The following ACER1 variants were observed in gnomAD, a reference collection of about 807,000 sequenced individuals.
ACER1 encodes the protein CTB-180A7.3.
In ACER1, 28 loss-of-function variants were observed where a neutral mutation model predicts 24.9. That is an observed-to-expected ratio of 1.13 (90% CI 0.83 to 1.54). The LOEUF (loss-of-function observed/expected upper bound fraction) is 1.54. Ranked by LOEUF, ACER1 falls within the 40% of genes most tolerant of loss-of-function variation. The pLI is 0.00. For missense variants in ACER1, 352 were observed against 349.3 expected, an observed-to-expected ratio of 1.01 and a Z score of -0.06; for synonymous variants, 132 against 131.4, an observed-to-expected ratio of 1.00 and a Z score of -0.03.
intron 1 of ACER1, 125 bp from the exon 2 acceptor site, chr19:6,312,624 C>T: frequency 1.4e-6 from 1 of 698,516 alleles, no homozygotes; most frequent in Non-Finnish European, 2.5e-6. Context: ...ATGCATCAAC[C>T]CAGGATTTGT....
the ACER1 span, among the ~76,000 whole-genome samples, chr19:6,350,784 C>T: frequency 0.06 from 9,100 of 152,124 alleles, 397 homozygotes; most frequent in African/African-American, 0.12. Context: ...TTTATAGGAA[C>T]AAAAACAACA....
chr19:6,315,963 A>G (rs2091601557), intron 1 of ACER1, among the ~76,000 whole-genome samples: 1 of 152,206 alleles, frequency 6.6e-6, no homozygotes, highest in Admixed American at 6.5e-5. Context: ...CCCCATCTCT[A>G]CAAAAAATAC....
intron 1 of ACER1, among the ~76,000 whole-genome samples, chr19:6,324,315 A>G (rs2091647828): frequency 6.9e-6 from 1 of 144,828 alleles, no homozygotes; most frequent in South Asian, 2.5e-4. Flanking sequence ...CAGTGCTGGG[A>G]TTACAGGCAT....
intron 1 of ACER1, among the ~76,000 whole-genome samples, chr19:6,332,785 C>G (rs1215277467): frequency 6.6e-6 from 1 of 152,074 alleles, no homozygotes; most frequent in Non-Finnish European, 1.5e-5. Flanking sequence ...ATTCTCATGC[C>G]GTAGCCTCCT....
intron 1 of ACER1, among the ~76,000 whole-genome samples, chr19:6,328,119 TTATC>T (rs1233874189): frequency 2.6e-5 from 4 of 151,310 alleles, no homozygotes; most frequent in African/African-American, 4.9e-5. Flanking sequence ...ACCCATTTAT[TTATC>T]TATTATCTAT....
chr19:6,309,677 C>A lies in ACER1; in HGVS notation c.488+20G>T. On this transcript the variant is annotated intron_variant, in intron 4 of 5. Transcript: ENST00000301452. ...GGGGGATGGGAGCCTCCTGCCCAGG[C>A]ACCTGCAGCCTTCACTCACTTCCTG... is the stretch of plus-strand genomic sequence containing the variant. 1 of 1,613,450 alleles carries A rather than the reference C, an allele frequency of 6.2e-7. No individual in the cohort carries two copies.
upstream of ACER1, among the ~76,000 whole-genome samples, chr19:6,334,838 T>C (rs754991750): frequency 7.9e-5 from 12 of 151,180 alleles, no homozygotes; most frequent in South Asian, 8.3e-4. Context: ...TGGTAATGGG[T>C]TTTCTTTTTT....
chr19:6,340,781 C>T, the ACER1 span, among the ~76,000 whole-genome samples: 7 of 152,066 alleles, frequency 4.6e-5, no homozygotes, highest in South Asian at 2.1e-4. Flanking sequence ...GGGTGGGAGC[C>T]GGGGGAGAGC....
chr19:6,331,181 C>T (rs531836364), intron 1 of ACER1, among the ~76,000 whole-genome samples: 3 of 142,014 alleles, frequency 2.1e-5, no homozygotes, highest in Non-Finnish European at 3.0e-5. Flanking sequence ...GATGAGGTCT[C>T]GCTCTGTCAC....
chr19:6,329,356 T>TATAAAATAGA (rs2091676570), intron 1 of ACER1, among the ~76,000 whole-genome samples: 1 of 133,938 alleles, frequency 7.5e-6, no homozygotes, highest in East Asian at 2.3e-4. Context: ...GGCTTTTTGA[T>TATAAAATAGA]ATAGAATAGA....
chr19:6,310,420 A>G (rs2091573364), intron 3 of ACER1, among the ~76,000 whole-genome samples: 1 of 151,800 alleles, frequency 6.6e-6, no homozygotes, highest in South Asian at 2.1e-4. Context: ...AAAATACAAA[A>G]TTTAGCCAGG....
chr19:6,356,031 GGGGGAAAGGC>G, the ACER1 span, among the ~76,000 whole-genome samples: 3 of 151,516 alleles, frequency 2.0e-5, no homozygotes, highest in Non-Finnish European at 4.4e-5. Context: ...GAATAGAAAG[GGGGGAAAGGC>G]GGGGAAAGGA....
chr19:6,323,850 T>C (rs1210328532), intron 1 of ACER1, among the ~76,000 whole-genome samples: 4 of 151,764 alleles, frequency 2.6e-5, no homozygotes, highest in African/African-American at 9.7e-5. Flanking sequence ...AGACCTGCCA[T>C]TGTGTGTAGC....
chr19:6,319,627 G>A (rs1358003607), intron 1 of ACER1, among the ~76,000 whole-genome samples: 1 of 152,002 alleles, frequency 6.6e-6, no homozygotes, highest in Non-Finnish European at 1.5e-5. Context: ...TATACAGTCA[G>A]GACAGCAGGG....
In ACER1 at chr19:6,320,941, A is replaced by C. The variant is rs1407392244; in HGVS notation, c.94-8442T>G. Among the ~76,000 whole-genome samples the C allele has an allele frequency of 2.6e-5, 4 of 151,862 alleles. No homozygotes were observed. In the South Asian group the frequency reaches 8.3e-4, roughly 32 times the overall value. On this transcript the variant is annotated intron_variant, in intron 1 of 5. Transcript: ENST00000301452. ...GGTGCTGTATTCACTCGTAATAAGA[A>C]TAGCTACAATGTATTCAGTGCTTAG...
the ACER1 span, among the ~76,000 whole-genome samples, chr19:6,345,888 T>G: frequency 5.3e-5 from 8 of 150,916 alleles, no homozygotes; most frequent in South Asian, 1.7e-3. Context: ...TTTATTATAA[T>G]AATAATAATA....
At chr19:6,316,861 T>C (rs1218175254) in intron 1 of ACER1, among the ~76,000 whole-genome samples, 5 of 147,760 alleles carry the variant, frequency 3.4e-5, no homozygotes, top group Non-Finnish European at 6.0e-5. Flanking sequence ...CACCACACAA[T>C]ACATACATGT....
chr19:6,327,782 T>TAA (rs995345243), intron 1 of ACER1, among the ~76,000 whole-genome samples: 1 of 146,946 alleles, frequency 6.8e-6, no homozygotes, highest in Non-Finnish European at 1.5e-5. Context: ...TCAGTGTCAA[T>TAA]AAAAAAAAAA....
chr19:6,311,120 A>G (rs1015739513), intron 3 of ACER1, among the ~76,000 whole-genome samples: 3 of 149,850 alleles, frequency 2.0e-5, no homozygotes, highest in African/African-American at 7.4e-5. Flanking sequence ...GAGAAGAGGG[A>G]TCCCTGGGTC....
Sources: allele counts gnomAD v4.1 joint callset (sites outside exome capture counted in the v4.1 genomes callset), GRCh38; gene constraint gnomAD v4.1.1; transcripts MANE v1.5; gene names NCBI Gene and HGNC (gene_info 2026-07-23, HGNC 2026-07-21).